Variants in HAUS2 observed in about 807,000 individuals in gnomAD.
HAUS2 encodes the protein HAUS augmin like complex subunit 2.
In HAUS2, 20 loss-of-function variants were observed where a neutral mutation model predicts 21.6. That is an observed-to-expected ratio of 0.93 (90% CI 0.65 to 1.35). The LOEUF is 1.35. Among genes scored for constraint, HAUS2 ranks in the 40% most tolerant of loss-of-function variants. HAUS2 has a pLI of 0.00. For synonymous variants in HAUS2, 113 were observed against 95.6 expected (o/e 1.18, Z -1.06); for missense variants, 297 against 280.7 (o/e 1.06, Z -0.42).
intron 5 of HAUS2, among the ~76,000 whole-genome samples, chr15:42,566,164 T>C (rs2141607900): frequency 6.6e-6 from 1 of 151,052 alleles, no homozygotes; most frequent in South Asian, 2.1e-4. Flanking sequence ...ATTGCGCCAC[T>C]GCACTCCAGT....
At chr15:42,559,435 C>T in intron 3 of HAUS2, 27 bp downstream of exon 3, 1 of 1,344,694 alleles carries the variant, frequency 7.4e-7, no homozygotes, top group Non-Finnish European at 1.1e-6. Context: ...AGTGGATAAT[C>T]ACTGGAATTT....
At chr15:42,550,604 G>A (rs1355130740) in intron 1 of HAUS2, among the ~76,000 whole-genome samples, 3 of 152,158 alleles carry the variant, frequency 2.0e-5, no homozygotes, top group Non-Finnish European at 4.4e-5. Context: ...GGTGGTCCTA[G>A]TTGACTAACT....
intron 3 of HAUS2, chr15:42,560,715 A>T (rs2057840503): frequency 7.3e-6 from 5 of 683,682 alleles, no homozygotes; most frequent in African/African-American, 1.8e-5. Context: ...GATTCTCTCA[A>T]GTAGCTAGGA....
chr15:42,549,099 T>C (rs907852887), intron 1 of HAUS2, 134 bp downstream of exon 1: 4 of 587,762 alleles, frequency 6.8e-6, no homozygotes, highest in Non-Finnish European at 9.2e-6. Flanking sequence ...AAGAGCCCCT[T>C]CCAGGCAACA....
chr15:42,558,613 C>T (rs188299213), intron 2 of HAUS2, among the ~76,000 whole-genome samples: 105 of 151,990 alleles, frequency 6.9e-4, no homozygotes, highest in Non-Finnish European at 1.4e-3. Flanking sequence ...AGGTGTGAGC[C>T]ACTGCGCCCG....
chr15:42,559,178 A>T (rs576872448), intron 2 of HAUS2, among the ~76,000 whole-genome samples, 161 bp from the exon 3 acceptor site: 18 of 146,178 alleles, frequency 1.2e-4, no homozygotes, highest in African/African-American at 4.6e-4. Context: ...TCTGTCACCC[A>T]TACTGGAGTG....
At chr15:42,559,311 C>G (rs774202835) in intron 2 of HAUS2, 28 bp from the exon 3 acceptor site, 1 of 1,398,898 alleles carries the variant, frequency 7.1e-7, no homozygotes, top group Non-Finnish European at 1.0e-6. Flanking sequence ...TCTGATTGAG[C>G]TAAATGTTAC....
At position 42,566,971 on chromosome 15, in the gene HAUS2, T is replaced by TA; in HGVS notation, c.*155_*156insA. 2.1e-6 allele frequency: 1 copy of TA among 480,148 alleles called. No homozygotes were observed. Among genetic ancestry groups the TA allele is most frequent in the Non-Finnish European group, 3.7e-6 (1 of 272,298 alleles). The allele number at this position is 480,148 out of a possible 1,614,324, so 29.7% of individuals were successfully genotyped here. ...GATCTCAGGTTCATTAAGACCAAAC[T>TA]GACTTTTCCTTTGTTTTTCATATAT... On this transcript the variant is annotated 3_prime_UTR_variant, in exon 6 of 6. Transcript: ENST00000260372.
Position 42,566,707 on chromosome 15 carries a change from G to A in HAUS2, c.599G>A (p.Cys200Tyr), listed in dbSNP as rs771810202. 1.3e-6 allele frequency: 2 copies of A among 1,578,114 alleles called. No individual in the cohort carries two copies. Among genetic ancestry groups the A allele is most frequent in the Non-Finnish European group, 1.7e-6 (2 of 1,147,374 alleles). ...AAACAACAAAACGAAGTTTCGTCTT[G>A]TATCCCCAAAATATTAGCTGAAGAA... is the stretch of plus-strand genomic sequence containing the variant. ...WRKQQNEVSS[C>Y]IPKILAEESY... Residue 200 changes from cysteine (C) to tyrosine (Y), a missense_variant, in exon 6 of 6, where the codon TGT becomes TAT. By Grantham distance (194) the Cys-to-Tyr change is radical (BLOSUM62 -2). Coordinates refer to ENST00000260372, the MANE Select transcript of HAUS2 (RefSeq NM_018097.3).
intron 1 of HAUS2, among the ~76,000 whole-genome samples, chr15:42,551,657 C>T (rs2057726917): frequency 6.6e-6 from 1 of 151,976 alleles, no homozygotes; most frequent in African/African-American, 2.4e-5. Context: ...AAACAACCCC[C>T]CAACTTTTGG....
At position 42,569,146 on chromosome 15, in the gene HAUS2, T is replaced by C. The variant is rs903504096; in HGVS notation, c.*2330T>C. On this transcript the variant is annotated 3_prime_UTR_variant, in exon 6 of 6. Transcript: ENST00000260372. ...CTATCAGAGGTTATTGTGCATATAA[T>C]AGAGAGTGATATACTAACAACTGCC... is the stretch of plus-strand genomic sequence containing the variant. 6.6e-6 allele frequency: 1 copy of C among 152,192 alleles called. No homozygotes were observed. Among genetic ancestry groups the C allele is most frequent in the Non-Finnish European group, 1.5e-5 (1 of 68,036 alleles). The allele number at this position is 152,192 out of a possible 1,614,324, so 9.4% of individuals were successfully genotyped here. A position where few individuals can be genotyped will look rare whatever the true frequency, so the allele number is the denominator to read the frequency against.
intron 5 of HAUS2, among the ~76,000 whole-genome samples, chr15:42,566,345 G>C (rs1313706247): frequency 6.6e-6 from 1 of 152,184 alleles, no homozygotes; most frequent in Non-Finnish European, 1.5e-5. Context: ...AGTCTTAAAT[G>C]TGGGCCTGAA....
rs34643746 is a variant in HAUS2, at chr15:42,569,369, A to G, written c.*2553A>G. On this transcript the variant is annotated 3_prime_UTR_variant, in exon 6 of 6. Transcript: ENST00000260372. ...GGTTGCTGAGAGTGTGGTGTGGCCC[A>G]ATCTTGACCTCACTGCAGCCTTGAC... The G allele has an allele frequency of 0.26, 38,939 of 148,848 alleles. 5,502 individuals are homozygous for G. Among genetic ancestry groups the G allele is most frequent in the African/African-American group, 0.36 (14,558 of 40,314 alleles). 9.2% of individuals were successfully genotyped at this position (148,848 alleles called of 1,614,324 possible). A position where few individuals can be genotyped will look rare whatever the true frequency, so the allele number is the denominator to read the frequency against.
At chr15:42,556,871 G>C (rs1048607828) in intron 1 of HAUS2, among the ~76,000 whole-genome samples, 43 of 150,304 alleles carry the variant, frequency 2.9e-4, no homozygotes, top group Middle Eastern at 3.4e-3. Flanking sequence ...AAAAAAATTA[G>C]CTGGGCATGG....
In HAUS2 at chr15:42,567,482, T is replaced by C. The variant is rs1432387570; in HGVS notation, c.*666T>C. On this transcript the variant is annotated 3_prime_UTR_variant, in exon 6 of 6. Coordinates refer to ENST00000260372, the MANE Select transcript of HAUS2 (RefSeq NM_018097.3). ...ACTTTGGGAGGCCTAGGTGGGCAGA[T>C]CATGAGGTCAGGAGTTCGAGACCAG... 1 of 152,268 alleles carries C rather than the reference T, an allele frequency of 6.6e-6. No homozygotes were observed. Among genetic ancestry groups the C allele is most frequent in the Non-Finnish European group, 1.5e-5 (1 of 68,222 alleles). 9.4% of individuals were successfully genotyped at this position (152,268 alleles called of 1,614,324 possible). A position where few individuals can be genotyped will look rare whatever the true frequency, so the allele number is the denominator to read the frequency against.
In HAUS2 at chr15:42,568,346, C is replaced by CCT. The variant is rs2057926706; in HGVS notation, c.*1531_*1532insTC. 1 of 152,148 alleles carries CCT rather than the reference C, an allele frequency of 6.6e-6. No homozygotes were observed. Among genetic ancestry groups the CCT allele is most frequent in the Non-Finnish European group, 1.5e-5 (1 of 68,032 alleles). The allele number at this position is 152,148 out of a possible 1,614,324, so 9.4% of individuals were successfully genotyped here. On this transcript the variant is annotated 3_prime_UTR_variant, in exon 6 of 6. Coordinates refer to ENST00000260372, the MANE Select transcript of HAUS2 (RefSeq NM_018097.3). Reference sequence around the variant, plus strand: ...GTGCCAGCATCTAGTGAGGGTCTTGCCATGGCAGAAGGCACCACATGGCAA... The same window carrying CCT: ...GTGCCAGCATCTAGTGAGGGTCTTGCCTCATGGCAGAAGGCACCACATGGCAA...
In HAUS2 at chr15:42,548,878, C is replaced by T. The variant is rs573761871; in HGVS notation, c.6C>T (p.Ala2=). M[A]AANPWDPASA... ...GCGGAAGGTGCGTCCGAGCCATGGCCGCTGCCAACCCGTGGGACCCGGCGT... is the reference window on the plus strand; with the variant it reads ...GCGGAAGGTGCGTCCGAGCCATGGCTGCTGCCAACCCGTGGGACCCGGCGT... The change falls in exon 1 of 6, where the codon GCC becomes GCT. Residue 2 remains alanine, a synonymous_variant. Coordinates refer to ENST00000260372, the MANE Select transcript of HAUS2 (RefSeq NM_018097.3). 1.9e-6 allele frequency: 3 copies of T among 1,549,166 alleles called. No homozygotes were observed. Among genetic ancestry groups the T allele is most frequent in the East Asian group, 2.4e-5 (1 of 40,954 alleles).
intron 5 of HAUS2, among the ~76,000 whole-genome samples, chr15:42,564,065 AG>A (rs887887416): frequency 5.3e-5 from 8 of 152,108 alleles, no homozygotes; most frequent in African/African-American, 1.9e-4. Flanking sequence ...CAGGAGTTGG[AG>A]ACCAGCCTGG....
intron 1 of HAUS2, among the ~76,000 whole-genome samples, chr15:42,552,465 G>A (rs1240045138): frequency 2.0e-5 from 3 of 152,104 alleles, no homozygotes; most frequent in Non-Finnish European, 4.4e-5. Context: ...CTGCTGGCAA[G>A]GATTTTTTAA....
Sources: gnomAD v4.1 joint callset for allele counts (sites outside exome capture counted in the v4.1 genomes callset) on GRCh38, gnomAD v4.1.1 for gene constraint, MANE v1.5 for transcripts, NCBI Gene and HGNC (gene_info 2026-07-23, HGNC 2026-07-21) for gene names.